MEGF10: variants seen among roughly 807,000 people sequenced by gnomAD.
MEGF10 encodes multiple epidermal growth factor-like domains protein 10.
Under a neutral mutation model 147.5 loss-of-function variants are expected in MEGF10, and 86 were observed. That is an observed-to-expected ratio of 0.58 (90% CI 0.49 to 0.70). MEGF10 has a LOEUF of 0.70. MEGF10 is among the 30% of genes least tolerant of loss of function. The pLI, the probability that MEGF10 is intolerant of heterozygous loss-of-function variation, is 0.00. For missense variants in MEGF10, 1,329 were observed against 1,487.3 expected (o/e 0.89, Z 1.75); for synonymous variants, 478 against 525.5 (o/e 0.91, Z 1.24).
chr5:127,454,455 G>A lies in MEGF10; in HGVS notation c.2981-111G>A, dbSNP rs777755577. The A allele has an allele frequency of 4.7e-6, 4 of 850,194 alleles. No homozygotes were observed. The East Asian group carries it at 1.0e-4, about 22-fold the overall frequency. The allele number at this position is 850,194 out of a possible 1,614,324, so 52.7% of individuals were successfully genotyped here. ...TGGTGTAAAGGCTTGAAGAGCAGCA[G>A]CCTGGTTGTTTGCTGCAGTGGGAGA... On this transcript the variant is annotated intron_variant, in intron 22 of 24. Coordinates refer to ENST00000503335, the MANE Select transcript of MEGF10 (RefSeq NM_001256545.2).
Position 127,382,537 on chromosome 5 carries a change from T to A in MEGF10, c.412+12535T>A, listed in dbSNP as rs947283973. 3.3e-5 allele frequency among the ~76,000 whole-genome samples: 5 copies of A among 152,356 alleles called. No homozygotes were observed. In the South Asian group the frequency reaches 1.0e-3, roughly 32 times the overall value. On this transcript the variant is annotated intron_variant, in intron 5 of 24. Transcript: ENST00000503335. Reference sequence around the variant, plus strand: ...GCCATTTTAAGAAAAAAGAAACTTATGTGGTAAAATCAGTATTATATAAGC... The same window carrying A: ...GCCATTTTAAGAAAAAAGAAACTTAAGTGGTAAAATCAGTATTATATAAGC...
Position 127,406,567 on chromosome 5 carries a change from G to A in MEGF10, c.918-3822G>A, listed in dbSNP as rs565653674. Among the ~76,000 whole-genome samples the A allele has an allele frequency of 3.9e-5, 6 of 152,316 alleles. No individual in the cohort carries two copies. The South Asian group carries it at 1.2e-3, about 32-fold the overall frequency. On this transcript the variant is annotated intron_variant, in intron 8 of 24. Coordinates refer to ENST00000503335, the MANE Select transcript of MEGF10 (RefSeq NM_001256545.2). ...ATTTCCCTTGTTTTGAGAAGTCAGTGAAATTTGATCAGTGAGGTTAGGGCA... is the reference window on the plus strand; with the variant it reads ...ATTTCCCTTGTTTTGAGAAGTCAGTAAAATTTGATCAGTGAGGTTAGGGCA...
intron 1 of MEGF10, among the ~76,000 whole-genome samples, chr5:127,326,061 G>A (rs1479496926): frequency 6.6e-6 from 1 of 151,174 alleles, no homozygotes; most frequent in Non-Finnish European, 1.5e-5. Flanking sequence ...GACTACAGGT[G>A]CATGCCACCA....
At chr5:127,293,156 C>G (rs1759337594) in intron 1 of MEGF10, among the ~76,000 whole-genome samples, 1 of 152,192 alleles carries the variant, frequency 6.6e-6, no homozygotes. Context: ...CCTTCTGGCT[C>G]CAAAATCCTT....
At chr5:127,449,471 G>A (rs41298316) in intron 22 of MEGF10, among the ~76,000 whole-genome samples, 2 of 152,292 alleles carry the variant, frequency 1.3e-5, no homozygotes, top group East Asian at 1.9e-4. Context: ...CTGCCTGCTC[G>A]TAGCTTACAT....
chr5:127,296,442 C>A (rs527599243), intron 1 of MEGF10, among the ~76,000 whole-genome samples: 1 of 152,324 alleles, frequency 6.6e-6, no homozygotes, highest in South Asian at 2.1e-4. Context: ...CCCCTTCCCA[C>A]TTCTAAGACA....
intron 5 of MEGF10, among the ~76,000 whole-genome samples, chr5:127,377,855 C>T (rs574629202): frequency 2.0e-5 from 3 of 152,222 alleles, no homozygotes; most frequent in South Asian, 4.1e-4. Flanking sequence ...GAATTACTTT[C>T]GAAATCAGGT....
At chr5:127,374,433 A>G (rs1036258915) in intron 5 of MEGF10, among the ~76,000 whole-genome samples, 3 of 152,170 alleles carry the variant, frequency 2.0e-5, no homozygotes, top group Admixed American at 1.3e-4. Context: ...AAGGCAATAA[A>G]CTGATAACTG....
the MEGF10 span, among the ~76,000 whole-genome samples, chr5:127,278,815 TG>T: frequency 6.6e-6 from 1 of 152,124 alleles, no homozygotes; most frequent in Non-Finnish European, 1.5e-5. Flanking sequence ...ACAGTGAAGA[TG>T]AAAGATGAGA....
chr5:127,410,357 C>T, intron 8 of MEGF10, 32 bp from the exon 9 acceptor site: 1 of 1,603,122 alleles, frequency 6.2e-7, no homozygotes, highest in Non-Finnish European at 8.5e-7. Context: ...ACTAACTAAT[C>T]TTTCTTCTTG....
intron 8 of MEGF10, among the ~76,000 whole-genome samples, chr5:127,406,207 C>T (rs1764314435): frequency 6.6e-6 from 1 of 152,112 alleles, no homozygotes; most frequent in Non-Finnish European, 1.5e-5. Flanking sequence ...TGAGCTTATA[C>T]CTATTTCATC....
At chr5:127,347,742 A>T (rs1163649587) in intron 4 of MEGF10, among the ~76,000 whole-genome samples, 3 of 152,064 alleles carry the variant, frequency 2.0e-5, no homozygotes, top group African/African-American at 4.8e-5. Flanking sequence ...AATAAAAAAA[A>T]GTTCAGTTCA....
At chr5:127,372,506 G>A (rs543668577) in intron 5 of MEGF10, among the ~76,000 whole-genome samples, 8 of 152,176 alleles carry the variant, frequency 5.3e-5, no homozygotes, top group African/African-American at 1.7e-4. Flanking sequence ...TTCCACTAAC[G>A]TCCTCTTTCT....
chr5:127,386,277 A>G (rs906578336), intron 5 of MEGF10, among the ~76,000 whole-genome samples: 2 of 152,220 alleles, frequency 1.3e-5, no homozygotes, highest in Non-Finnish European at 2.9e-5. Flanking sequence ...TCAAGGTTGT[A>G]TCTGTTGTCT....
chr5:127,357,499 G>C (rs1377709097), intron 4 of MEGF10, among the ~76,000 whole-genome samples: 1 of 151,596 alleles, frequency 6.6e-6, no homozygotes. Context: ...GAGGTGGGAG[G>C]ATCACTTCAG....
At chr5:127,442,177 A>T (rs1295242875) in intron 18 of MEGF10, among the ~76,000 whole-genome samples, 1 of 152,192 alleles carries the variant, frequency 6.6e-6, no homozygotes, top group East Asian at 1.9e-4. Flanking sequence ...TGCTTCCATG[A>T]TTACTCTCAA....
chr5:127,252,299 G>T, the MEGF10 span, among the ~76,000 whole-genome samples: 1 of 151,496 alleles, frequency 6.6e-6, no homozygotes, highest in Non-Finnish European at 1.5e-5. Flanking sequence ...CATGCAGTGG[G>T]CCTAAAAGTC....
chr5:127,251,919 T>C, the MEGF10 span, among the ~76,000 whole-genome samples: 1 of 151,902 alleles, frequency 6.6e-6, no homozygotes, highest in East Asian at 1.9e-4. Flanking sequence ...TAAGCATCAA[T>C]AGGAAAATAA....
intron 1 of MEGF10, among the ~76,000 whole-genome samples, chr5:127,318,175 A>T (rs1012220097): frequency 3.9e-5 from 6 of 152,154 alleles, no homozygotes; most frequent in African/African-American, 1.2e-4. Context: ...CCATCTATGA[A>T]TCAGGAAGCA....
Sources: allele counts gnomAD v4.1 joint callset (sites outside exome capture counted in the v4.1 genomes callset), GRCh38; gene constraint gnomAD v4.1.1; transcripts MANE v1.5; gene names NCBI Gene and HGNC (gene_info 2026-07-23, HGNC 2026-07-21).